Variants in ERG observed in about 807,000 individuals in gnomAD.
ERG encodes ETS transcription factor ERG.
A neutral mutation model predicts 55.3 loss-of-function variants in ERG; 9 were observed. The ratio of observed to expected loss-of-function variants is 0.16; its 90% confidence interval spans 0.10 to 0.28. The LOEUF (loss-of-function observed/expected upper bound fraction) is 0.28, where lower values mean the gene tolerates loss of function less well. ERG is among the 10% of genes least tolerant of loss of function. The pLI is 1.00. For synonymous variants in ERG, 223 were observed against 237.3 expected (o/e 0.94, Z 0.55); for missense variants, 434 against 631.6 (o/e 0.69, Z 3.35).
At chr21:38,443,915 T>TA (rs1184419551) in intron 2 of ERG, among the ~76,000 whole-genome samples, 2 of 152,192 alleles carry the variant, frequency 1.3e-5, no homozygotes, top group Non-Finnish European at 2.9e-5. Context: ...GAGTTCCACT[T>TA]AAAGGACCAG....
chr21:38,622,378 G>GCACACAC (rs1016888990), intron 1 of ERG, among the ~76,000 whole-genome samples: 1 of 151,182 alleles, frequency 6.6e-6, no homozygotes, highest in Non-Finnish European at 1.5e-5. Context: ...CACACTCACA[G>GCACACAC]CACACACCAC....
intron 1 of ERG, among the ~76,000 whole-genome samples, chr21:38,622,254 T>C (rs1284666345): frequency 2.0e-5 from 3 of 152,182 alleles, no homozygotes; most frequent in African/African-American, 7.2e-5. Context: ...CCCTGCTGCT[T>C]TCCGGGCCAA....
At chr21:38,610,526 C>CGCGTGTGT (rs924177456) in intron 1 of ERG, among the ~76,000 whole-genome samples, 17 of 150,498 alleles carry the variant, frequency 1.1e-4, no homozygotes, top group African/African-American at 3.4e-4. Flanking sequence ...CGCGCACGCG[C>CGCGTGTGT]GTGTGTGTGT....
At chr21:38,501,085 T>TG (rs1274202041), upstream of ERG, among the ~76,000 whole-genome samples, 13 of 136,664 alleles carry the variant, frequency 9.5e-5, no homozygotes, top group East Asian at 1.3e-3. Context: ...TTTTTTTTTT[T>TG]GGGACGGAAT....
At chr21:38,659,934 T>C (rs1322744167) in intron 1 of ERG, among the ~76,000 whole-genome samples, 3 of 152,218 alleles carry the variant, frequency 2.0e-5, no homozygotes, top group Non-Finnish European at 4.4e-5. Context: ...TTTTTTAACA[T>C]GCCAAGTTTT....
At chr21:38,516,468 C>T (rs1331320531) in intron 2 of ERG, among the ~76,000 whole-genome samples, 3 of 151,758 alleles carry the variant, frequency 2.0e-5, no homozygotes, top group Non-Finnish European at 4.4e-5. Flanking sequence ...TGGAAAAGGA[C>T]ACAAACAAAT....
At chr21:38,644,898 T>G (rs935190017) in intron 1 of ERG, among the ~76,000 whole-genome samples, 1 of 152,192 alleles carries the variant, frequency 6.6e-6, no homozygotes, top group African/African-American at 2.4e-5. Context: ...AGCTGATGCC[T>G]GTAATCCTAG....
chr21:38,652,725 G>A (rs919976699), intron 1 of ERG, among the ~76,000 whole-genome samples: 2 of 152,146 alleles, frequency 1.3e-5, no homozygotes, highest in South Asian at 2.1e-4. Context: ...GCCCAAGAAC[G>A]GCCCTACAGC....
rs549384838 is a variant in ERG at position 38,595,192 on chromosome 21, T to C, written c.-149-10247A>G. On this transcript the variant is annotated intron_variant, in intron 1 of 10. Coordinates refer to the ERG transcript ENST00000398910. Reference sequence around the variant, plus strand: ...AAATAGCTGAAGATTTTGGAGCACCTGCCGAGCAAAGTTTCCCAAAGAGGC... The same window carrying C: ...AAATAGCTGAAGATTTTGGAGCACCCGCCGAGCAAAGTTTCCCAAAGAGGC... Among the ~76,000 whole-genome samples the C allele has an allele frequency of 1.6e-4, 24 of 152,244 alleles. No homozygotes were observed. The South Asian group carries it at 4.6e-3, about 29-fold the overall frequency.
intron 1 of ERG, among the ~76,000 whole-genome samples, chr21:38,604,096 A>C (rs916822942): frequency 6.6e-6 from 1 of 151,886 alleles, no homozygotes; most frequent in South Asian, 2.1e-4. Context: ...AAAATAAAAA[A>C]AAAAAAATTA....
chr21:38,435,857 CA>C (rs1990419010), intron 2 of ERG, among the ~76,000 whole-genome samples: 1 of 152,224 alleles, frequency 6.6e-6, no homozygotes, highest in Admixed American at 6.5e-5. Flanking sequence ...TGACAAAGAT[CA>C]GATGTGACAT....
chr21:38,651,081 AG>A (rs2060486106), intron 1 of ERG, among the ~76,000 whole-genome samples: 1 of 152,256 alleles, frequency 6.6e-6, no homozygotes, highest in African/African-American at 2.4e-5. Flanking sequence ...TTCCGGCAAA[AG>A]CCGCACTATT....
At chr21:38,455,820 G>C (rs2058982835) in intron 1 of ERG, among the ~76,000 whole-genome samples, 1 of 151,934 alleles carries the variant, frequency 6.6e-6, no homozygotes, top group South Asian at 2.1e-4. Context: ...CGGGGGTGAG[G>C]GGGTGGGGGT....
At chr21:38,386,754 A>AG (rs1401271284) in intron 9 of ERG, among the ~76,000 whole-genome samples, 4 of 151,770 alleles carry the variant, frequency 2.6e-5, no homozygotes, top group African/African-American at 9.7e-5. Flanking sequence ...CCTCTACCTT[A>AG]GGACTCACCT....
intron 2 of ERG, among the ~76,000 whole-genome samples, chr21:38,547,519 G>A (rs144333988): frequency 6.6e-6 from 1 of 152,264 alleles, no homozygotes; most frequent in Non-Finnish European, 1.5e-5. Flanking sequence ...GGTAAAGCAA[G>A]GAAAGGAAAA....
chr21:38,394,783 G>A (rs909713435), intron 6 of ERG, among the ~76,000 whole-genome samples: 5 of 152,266 alleles, frequency 3.3e-5, no homozygotes, highest in Admixed American at 2.6e-4. Context: ...TATCTAGAGT[G>A]TGCAAAGACA....
chr21:38,627,968 G>A (rs1568959600), intron 1 of ERG, among the ~76,000 whole-genome samples: 1 of 146,398 alleles, frequency 6.8e-6, no homozygotes, highest in Admixed American at 6.8e-5. Context: ...GTGAAACAGG[G>A]TTTTGCTCTG....
intron 2 of ERG, among the ~76,000 whole-genome samples, chr21:38,553,534 T>C (rs1386784031): frequency 6.6e-6 from 1 of 152,050 alleles, no homozygotes; most frequent in African/African-American, 2.4e-5. Context: ...ATGTCACACA[T>C]CTATAGTCAT....
chr21:38,482,932 C>T (rs2059251007), intron 1 of ERG, among the ~76,000 whole-genome samples: 1 of 152,184 alleles, frequency 6.6e-6, no homozygotes, highest in African/African-American at 2.4e-5. Context: ...CCTACCGTGG[C>T]CTCACAAAGT....
Sources: allele counts gnomAD v4.1 joint callset (sites outside exome capture counted in the v4.1 genomes callset), GRCh38; gene constraint gnomAD v4.1.1; transcripts MANE v1.5; gene names NCBI Gene and HGNC (gene_info 2026-07-23, HGNC 2026-07-21).